RGS6: variants seen among roughly 807,000 people sequenced by gnomAD.
The protein encoded by RGS6 is regulator of G protein signaling 6.
In RGS6, 30 loss-of-function variants were observed where a neutral mutation model predicts 78.5. The observed-to-expected ratio is 0.38, with a 90% CI of 0.29 to 0.52. The LOEUF is 0.52. Among genes scored for constraint, RGS6 ranks in the 20% least tolerant of loss-of-function variants. The pLI is 0.85. For missense variants in RGS6, 495 were observed against 609.7 expected (o/e 0.81, Z 1.98); for synonymous variants, 206 against 206.0 (o/e 1.00, Z 0.00).
intron 2 of RGS6, among the ~76,000 whole-genome samples, chr14:72,282,150 T>A (rs1346136989): frequency 6.6e-6 from 1 of 152,158 alleles, no homozygotes; most frequent in African/African-American, 2.4e-5. Flanking sequence ...AAGAAGCTGC[T>A]AGGATCCTGG....
chr14:71,881,596 TG>T, the RGS6 span, among the ~76,000 whole-genome samples: 1 of 152,240 alleles, frequency 6.6e-6, no homozygotes, highest in African/African-American at 2.4e-5. Context: ...CTGTCTCGTC[TG>T]CCACCATGTG....
At chr14:72,209,660 GC>G (rs377612848) in intron 2 of RGS6, among the ~76,000 whole-genome samples, 163 of 152,270 alleles carry the variant, frequency 1.1e-3, no homozygotes, top group African/African-American at 3.8e-3. Flanking sequence ...GGACTAGATG[GC>G]CAGGAGAAAA....
At chr14:72,398,197 G>C (rs1039960129) in intron 3 of RGS6, among the ~76,000 whole-genome samples, 3 of 152,046 alleles carry the variant, frequency 2.0e-5, no homozygotes, top group African/African-American at 7.2e-5. Context: ...TTTTTTGGTT[G>C]GTAAGCTATT....
At chr14:72,609,590 C>T in the RGS6 span, among the ~76,000 whole-genome samples, 3 of 152,098 alleles carry the variant, frequency 2.0e-5, no homozygotes, top group South Asian at 2.1e-4. Context: ...TTAGGAACCA[C>T]GAAAGAGTGG....
At chr14:71,945,760 G>A (rs977987005) in intron 1 of RGS6, among the ~76,000 whole-genome samples, 1 of 152,162 alleles carries the variant, frequency 6.6e-6, no homozygotes, top group African/African-American at 2.4e-5. Flanking sequence ...GTTTAAGCGA[G>A]AAGTATGTGC....
intron 12 of RGS6, among the ~76,000 whole-genome samples, chr14:72,480,508 G>A (rs1419918838): frequency 1.3e-5 from 2 of 152,124 alleles, no homozygotes; most frequent in East Asian, 1.9e-4. Context: ...GTCTCTGCCC[G>A]GCAGAGGCTG....
At chr14:72,247,657 G>A (rs2054565833) in intron 2 of RGS6, among the ~76,000 whole-genome samples, 1 of 152,186 alleles carries the variant, frequency 6.6e-6, no homozygotes, top group Admixed American at 6.5e-5. Context: ...AGCATTGGGA[G>A]GTGGGATCTT....
At chr14:72,437,845 C>T (rs1005395453) in intron 3 of RGS6, among the ~76,000 whole-genome samples, 6 of 152,148 alleles carry the variant, frequency 3.9e-5, no homozygotes, top group Non-Finnish European at 7.3e-5. Flanking sequence ...TTGGAAGCAG[C>T]GTCCCCTGCT....
the RGS6 span, among the ~76,000 whole-genome samples, chr14:71,909,814 T>C: frequency 6.6e-6 from 1 of 152,268 alleles, no homozygotes; most frequent in South Asian, 2.1e-4. Context: ...AACACTTTTA[T>C]AATGGTGAAG....
intron 2 of RGS6, among the ~76,000 whole-genome samples, chr14:72,136,522 G>A (rs2096444621): frequency 6.6e-6 from 1 of 152,108 alleles, no homozygotes; most frequent in Non-Finnish European, 1.5e-5. Context: ...AAGAGAGAAT[G>A]AGAGCCAAGT....
At chr14:71,900,768 G>GA in the RGS6 span, among the ~76,000 whole-genome samples, 61 of 152,192 alleles carry the variant, frequency 4.0e-4, no homozygotes, top group Middle Eastern at 3.4e-3. Flanking sequence ...AATTTAAATA[G>GA]AAAAGAGGTT....
intron 2 of RGS6, among the ~76,000 whole-genome samples, chr14:71,971,291 C>G (rs1252260569): frequency 6.6e-6 from 1 of 152,148 alleles, no homozygotes; most frequent in Non-Finnish European, 1.5e-5. Context: ...TAGTAAAAGT[C>G]TGGAAAGAGA....
intron 2 of RGS6, among the ~76,000 whole-genome samples, chr14:72,298,431 CTTTTTTTTT>C (rs1201498031): frequency 2.4e-5 from 2 of 83,748 alleles, no homozygotes; most frequent in Non-Finnish European, 4.5e-5. Context: ...CATTAATGTT[CTTTTTTTTT>C]TTTTTTTTTT....
At chr14:72,332,752 G>A (rs567071920) in intron 2 of RGS6, among the ~76,000 whole-genome samples, 10 of 152,286 alleles carry the variant, frequency 6.6e-5, no homozygotes, top group African/African-American at 2.4e-4. Context: ...GAGGGTGGGG[G>A]CTGTGGCAAG....
At chr14:72,012,375 C>A (rs187973877) in intron 2 of RGS6, among the ~76,000 whole-genome samples, 1 of 152,260 alleles carries the variant, frequency 6.6e-6, no homozygotes, top group Non-Finnish European at 1.5e-5. Flanking sequence ...ATTTGTAAAA[C>A]TTTTATACCT....
the RGS6 span, among the ~76,000 whole-genome samples, chr14:72,596,088 A>T: frequency 5.3e-5 from 8 of 152,248 alleles, no homozygotes; most frequent in African/African-American, 1.9e-4. Context: ...CAACAAATGT[A>T]GTGGCTTAAA....
At chr14:72,575,583 C>T in the RGS6 span, among the ~76,000 whole-genome samples, 4 of 152,142 alleles carry the variant, frequency 2.6e-5, no homozygotes, top group African/African-American at 7.2e-5. Flanking sequence ...TGCAGAAGGA[C>T]ATCTGGAAGA....
At chr14:72,180,072 A>T (rs2097154936) in intron 2 of RGS6, among the ~76,000 whole-genome samples, 1 of 152,190 alleles carries the variant, frequency 6.6e-6, no homozygotes, top group Non-Finnish European at 1.5e-5. Context: ...AACTAATGGG[A>T]GTTTAAGAAG....
chr14:72,059,982 G>A (rs2093811069), intron 2 of RGS6, among the ~76,000 whole-genome samples: 2 of 152,122 alleles, frequency 1.3e-5, no homozygotes, highest in South Asian at 4.1e-4. Context: ...AGTGTGCGTT[G>A]TTCAATGATT....
Sources: gnomAD v4.1 joint callset for allele counts (sites outside exome capture counted in the v4.1 genomes callset) on GRCh38, gnomAD v4.1.1 for gene constraint, MANE v1.5 for transcripts, NCBI Gene and HGNC (gene_info 2026-07-23, HGNC 2026-07-21) for gene names.